Variants in ITPK1 observed in about 807,000 individuals in gnomAD.
ITPK1 encodes the protein inositol 1,3,4-trisphosphate 5/6-kinase.
A neutral mutation model predicts 45.3 loss-of-function variants in ITPK1; 21 were observed. The observed-to-expected ratio is 0.46, with a 90% CI of 0.33 to 0.67. The LOEUF (loss-of-function observed/expected upper bound fraction) is 0.67. ITPK1 is among the 30% of genes least tolerant of loss of function. The probability of loss-of-function intolerance (pLI) is 0.02; values close to 1 mark genes in which losing one functional copy is unlikely to be tolerated. For missense variants in ITPK1, 474 were observed against 573.5 expected, an observed-to-expected ratio of 0.83 and a Z score of 1.77; for synonymous variants, 258 against 253.6, an observed-to-expected ratio of 1.02 and a Z score of -0.16.
At chr14:93,094,771 C>T (rs548055817) in intron 2 of ITPK1, among the ~76,000 whole-genome samples, 3 of 152,200 alleles carry the variant, frequency 2.0e-5, no homozygotes, top group Admixed American at 6.5e-5. Context: ...AGGGGTGTTC[C>T]TCCCACAGCC....
At position 92,958,462 on chromosome 14, in the gene ITPK1, G is replaced by T; in HGVS notation, c.505-96C>A. ...CACCTGTCCAGAGCACCTCCACCAAGGCCCATCCCTGGTCCTGTGGCATGA... is the reference window on the plus strand; with the variant it reads ...CACCTGTCCAGAGCACCTCCACCAATGCCCATCCCTGGTCCTGTGGCATGA... On this transcript the variant is annotated intron_variant, in intron 7 of 10. Transcript: ENST00000267615. The surrounding 1 kb of genome is among the most constrained non-coding windows in gnomAD (Gnocchi z 4.4). The T allele has an allele frequency of 8.2e-7, 1 of 1,216,608 alleles. No homozygotes were observed. The highest frequency in any genetic ancestry group is 1.4e-5 in the South Asian group (1 of 73,488). The allele number at this position is 1,216,608 out of a possible 1,614,324, so 75.4% of individuals were successfully genotyped here. A position where few individuals can be genotyped will look rare whatever the true frequency, so the allele number is the denominator to read the frequency against.
At chr14:93,107,669 G>A (rs1197869935) in intron 2 of ITPK1, among the ~76,000 whole-genome samples, 1 of 152,184 alleles carries the variant, frequency 6.6e-6, no homozygotes, top group Non-Finnish European at 1.5e-5. Flanking sequence ...GGGGTCTGGA[G>A]TCTGGAGCTC....
At chr14:93,042,836 G>A (rs150477425) in intron 3 of ITPK1, among the ~76,000 whole-genome samples, 4,016 of 152,196 alleles carry the variant, frequency 0.026, 93 homozygotes, top group Admixed American at 0.085. Flanking sequence ...TGAGCAACAT[G>A]GTGAAACCCC....
chr14:92,989,543 C>T (rs1409550753), intron 5 of ITPK1, among the ~76,000 whole-genome samples: 2 of 152,158 alleles, frequency 1.3e-5, no homozygotes, highest in East Asian at 1.9e-4. Context: ...TGCCCAGAAT[C>T]GCTCACCCTA....
At position 93,063,146 on chromosome 14, in the gene ITPK1, T is replaced by C. The variant is rs1377041013; in HGVS notation, c.120+13449A>G. On this transcript the variant is annotated intron_variant, in intron 3 of 10. Coordinates refer to ENST00000267615, the MANE Select transcript of ITPK1 (RefSeq NM_014216.6). The surrounding 1 kb of genome is among the most constrained non-coding windows in gnomAD (Gnocchi z 4.3). ...CATTAGCTCAGTCCCAAAGGCATCC[T>C]TGCCCATCCCGGCTGCCGATGATCC... Among the ~76,000 whole-genome samples the C allele has an allele frequency of 1.3e-5, 2 of 151,898 alleles. No homozygotes were observed. The highest frequency in any genetic ancestry group is 6.6e-5 in the Admixed American group (1 of 15,264).
chr14:93,092,866 G>T (rs1207743789), intron 2 of ITPK1, among the ~76,000 whole-genome samples: 5 of 152,180 alleles, frequency 3.3e-5, no homozygotes, highest in African/African-American at 1.2e-4. Flanking sequence ...AGGCCAGGGG[G>T]CTGGGCTGAA....
chr14:92,956,489 AC>A (rs1566694593), intron 8 of ITPK1, among the ~76,000 whole-genome samples: 1 of 152,108 alleles, frequency 6.6e-6, no homozygotes. Context: ...AAGAAGACAC[AC>A]AGGCAAGGAG....
chr14:93,062,852 G>A (rs1011700094), intron 3 of ITPK1, among the ~76,000 whole-genome samples: 1 of 152,200 alleles, frequency 6.6e-6, no homozygotes, highest in Non-Finnish European at 1.5e-5. Flanking sequence ...TGGGTGGGCA[G>A]GGGTCCTTGT....
Position 93,014,106 on chromosome 14 carries a change from G to C in ITPK1, c.246+2570C>G, listed in dbSNP as rs1264185719. On this transcript the variant is annotated intron_variant, in intron 4 of 10. Coordinates refer to ENST00000267615, the MANE Select transcript of ITPK1 (RefSeq NM_014216.6). The surrounding 1 kb of genome is among the most constrained non-coding windows in gnomAD (Gnocchi z 4.4). ...ATCAGATATCCGGCCTCTTACTGAA[G>C]CACAGACGGTGATGAAAATTTATCC... Among the ~76,000 whole-genome samples the C allele has an allele frequency of 2.6e-5, 4 of 152,214 alleles. No individual in the cohort carries two copies. Among genetic ancestry groups the C allele is most frequent in the Admixed American group, 6.5e-5 (1 of 15,278 alleles).
At chr14:92,998,441 G>A (rs1447392476) in intron 4 of ITPK1, among the ~76,000 whole-genome samples, 2 of 152,168 alleles carry the variant, frequency 1.3e-5, no homozygotes, top group Admixed American at 6.5e-5. Flanking sequence ...TCCAGGCAGC[G>A]ACCTTCCAAG....
At chr14:92,985,974 G>A (rs1035499975) in intron 5 of ITPK1, among the ~76,000 whole-genome samples, 2 of 152,172 alleles carry the variant, frequency 1.3e-5, no homozygotes, top group African/African-American at 2.4e-5. Context: ...TGGGTGTTTA[G>A]GAGAGGATCT....
rs1350764058 is a variant in ITPK1 at position 93,063,118 on chromosome 14, G to T, written c.120+13477C>A. Among the ~76,000 whole-genome samples the T allele has an allele frequency of 6.6e-6, 1 of 151,840 alleles. No homozygotes were observed. Among genetic ancestry groups the T allele is most frequent in the East Asian group, 1.9e-4 (1 of 5,162 alleles). On this transcript the variant is annotated intron_variant, in intron 3 of 10. Transcript: ENST00000267615. This position sits in a 1 kb window ranked among gnomAD's most constrained non-coding sequence, Gnocchi z 4.3. ...GACCCTTCTCCAAGCCCCACTCCTT[G>T]GCCATTAGCTCAGTCCCAAAGGCAT...
chr14:93,095,758 C>G (rs1892052994), intron 2 of ITPK1, among the ~76,000 whole-genome samples: 1 of 151,812 alleles, frequency 6.6e-6, no homozygotes, highest in South Asian at 2.1e-4. Context: ...CCATTTCCCC[C>G]TCTAGTAGTC....
intron 3 of ITPK1, among the ~76,000 whole-genome samples, chr14:93,038,830 T>C (rs56822426): frequency 0.035 from 5,347 of 152,290 alleles, 328 homozygotes; most frequent in African/African-American, 0.12. Flanking sequence ...CCCAGCCAGA[T>C]ATGTGTTTAA....
chr14:92,999,780 A>G (rs950707180), intron 4 of ITPK1, among the ~76,000 whole-genome samples: 26 of 152,370 alleles, frequency 1.7e-4, no homozygotes, highest in African/African-American at 6.3e-4. Flanking sequence ...TTGAGATATC[A>G]TTCACATACG....
chr14:92,982,981 ATGCCACAGG>A (rs1049794894), intron 5 of ITPK1, among the ~76,000 whole-genome samples: 2 of 152,174 alleles, frequency 1.3e-5, no homozygotes, highest in Admixed American at 1.3e-4. Context: ...AAGACAACAA[ATGCCACAGG>A]TGCAAAGTTA....
chr14:92,953,847 C>T (rs1404359910), intron 8 of ITPK1, among the ~76,000 whole-genome samples: 2 of 152,150 alleles, frequency 1.3e-5, no homozygotes. Flanking sequence ...GAGCTGGAGT[C>T]CAGGACATTT....
chr14:92,994,060 C>T (rs529693237), intron 4 of ITPK1, 63 bp from the exon 5 acceptor site: 84 of 1,041,362 alleles, frequency 8.1e-5, no homozygotes, highest in African/African-American at 4.5e-4. Context: ...ACTCACCCCT[C>T]GCGCCCTCTG....
At chr14:93,042,774 T>G (rs552294971) in intron 3 of ITPK1, among the ~76,000 whole-genome samples, 2 of 152,238 alleles carry the variant, frequency 1.3e-5, no homozygotes, top group Non-Finnish European at 2.9e-5. Flanking sequence ...TCCCAGCACT[T>G]TGGGAGGCCA....
Sources: gnomAD v4.1 joint callset for allele counts (sites outside exome capture counted in the v4.1 genomes callset) on GRCh38, gnomAD v4.1.1 for gene constraint, Gnocchi (gnomAD v3.1) non-coding constraint, MANE v1.5 for transcripts, NCBI Gene and HGNC (gene_info 2026-07-23, HGNC 2026-07-21) for gene names.